CEP85L: variants seen among roughly 807,000 people sequenced by gnomAD.
The protein encoded by CEP85L is centrosomal protein 85L.
CEP85L carries 60 observed loss-of-function variants against 100.3 expected under a neutral mutation model. That is an observed-to-expected ratio of 0.60 (90% CI 0.49 to 0.74). The LOEUF (loss-of-function observed/expected upper bound fraction) is 0.74. CEP85L is among the 30% of genes least tolerant of loss of function. The probability of loss-of-function intolerance (pLI) is 0.00; values close to 1 mark genes in which losing one functional copy is unlikely to be tolerated. For synonymous variants in CEP85L, 319 were observed against 322.7 expected, an observed-to-expected ratio of 0.99 and a Z score of 0.12; for missense variants, 973 against 936.2, an observed-to-expected ratio of 1.04 and a Z score of -0.51.
chr6:118,514,734 G>A (rs534043808), intron 4 of CEP85L, among the ~76,000 whole-genome samples: 1 of 151,558 alleles, frequency 6.6e-6, no homozygotes, highest in African/African-American at 2.4e-5. Flanking sequence ...AAAGTAAAAA[G>A]AGGAAAACCT....
intron 5 of CEP85L, among the ~76,000 whole-genome samples, chr6:118,503,203 C>A (rs1775417656): frequency 6.6e-6 from 1 of 151,948 alleles, no homozygotes; most frequent in African/African-American, 2.4e-5. Context: ...TATAAGCAAT[C>A]AAAAAATAAG....
intron 1 of CEP85L, among the ~76,000 whole-genome samples, chr6:118,642,164 C>T (rs1384806837): frequency 2.6e-5 from 4 of 152,030 alleles, no homozygotes. Context: ...ATATTGCATA[C>T]ATAAAATAGG....
chr6:118,512,571 G>T (rs1469773215), intron 4 of CEP85L, among the ~76,000 whole-genome samples: 1 of 152,136 alleles, frequency 6.6e-6, no homozygotes, highest in Admixed American at 6.6e-5. Context: ...CATCTAGTGA[G>T]CAGAAGCCAG....
chr6:118,709,532 C>CATGTGTGTGTGTGTGT (rs6149776), intron 1 of CEP85L, among the ~76,000 whole-genome samples: 5 of 87,158 alleles, frequency 5.7e-5, no homozygotes, highest in Admixed American at 1.4e-4. Flanking sequence ...CAACAATTGG[C>CATGTGTGTGTGTGTGT]GTGTGTGTGT....
intron 10 of CEP85L, among the ~76,000 whole-genome samples, chr6:118,474,297 C>G (rs1042844330): frequency 5.9e-5 from 9 of 152,218 alleles, no homozygotes; most frequent in African/African-American, 2.2e-4. Flanking sequence ...AACTCCATCT[C>G]TGACTTCTCA....
intron 2 of CEP85L, among the ~76,000 whole-genome samples, chr6:118,575,087 G>A (rs1051439474): frequency 3.3e-5 from 5 of 152,046 alleles, no homozygotes; most frequent in Admixed American, 2.0e-4. Flanking sequence ...TAGAGAAAGG[G>A]TGCAAGAAAT....
rs34964907 is a variant in CEP85L, at chr6:118,689,916, C to CT, written c.-28+20119dup. On this transcript the variant is annotated intron_variant, in intron 1 of 13. Coordinates refer to the CEP85L transcript ENST00000368488. ...AGTTTTACATGCTAATCCCTGCCTG[C>CT]TTTTTTTTTTTTTTTTTAATAGGGC... Among the ~76,000 whole-genome samples, 629 of 136,188 alleles carry CT rather than the reference C, an allele frequency of 4.6e-3. 3 individuals are homozygous for CT. The highest frequency in any genetic ancestry group is 0.012 in the African/African-American group (459 of 37,254). The allele number at this position is 136,188 out of a possible 152,430, so 89.3% of individuals were successfully genotyped here. A position where few individuals can be genotyped will look rare whatever the true frequency, so the allele number is the denominator to read the frequency against.
At chr6:118,673,012 G>C (rs1438925930) in intron 1 of CEP85L, among the ~76,000 whole-genome samples, 2 of 152,076 alleles carry the variant, frequency 1.3e-5, no homozygotes, top group African/African-American at 2.4e-5. Context: ...AAAGATGAGG[G>C]AGGCAATGTG....
chr6:118,569,940 G>A (rs1779786544), intron 2 of CEP85L, among the ~76,000 whole-genome samples: 2 of 152,222 alleles, frequency 1.3e-5, no homozygotes, highest in South Asian at 4.2e-4. Flanking sequence ...AACTATTAAA[G>A]GCTGCAAATA....
At chr6:118,499,086 T>C (rs1775108651) in intron 5 of CEP85L, among the ~76,000 whole-genome samples, 1 of 152,084 alleles carries the variant, frequency 6.6e-6, no homozygotes, top group African/African-American at 2.4e-5. Flanking sequence ...CTATCAAAAT[T>C]TGTGGTATCC....
At chr6:118,514,623 A>T (rs9489425) in intron 4 of CEP85L, among the ~76,000 whole-genome samples, 107,412 of 151,596 alleles carry the variant, frequency 0.71, 38,786 homozygotes, top group African/African-American at 0.75. Flanking sequence ...ATACTCCCAA[A>T]CAAAAGGCAG....
chr6:118,631,674 A>T (rs1774162439), intron 2 of CEP85L, among the ~76,000 whole-genome samples: 1 of 152,254 alleles, frequency 6.6e-6, no homozygotes, highest in Non-Finnish European at 1.5e-5. Context: ...ACATGTAACA[A>T]CTGGATGAAA....
At chr6:118,709,021 C>T (rs915993479) in intron 1 of CEP85L, among the ~76,000 whole-genome samples, 14 of 151,962 alleles carry the variant, frequency 9.2e-5, no homozygotes, top group South Asian at 2.1e-4. Context: ...CATTAGAAAC[C>T]GGTAATATAG....
intron 2 of CEP85L, among the ~76,000 whole-genome samples, chr6:118,592,421 T>C (rs1781244406): frequency 1.3e-5 from 2 of 151,680 alleles, no homozygotes; most frequent in South Asian, 2.1e-4. Context: ...AAATAAGTTA[T>C]ATATAATGTG....
Position 118,470,655 on chromosome 6 carries a change from TA to T in CEP85L, c.1915-12del, listed in dbSNP as rs766436923. On this transcript the variant is annotated splice_polypyrimidine_tract_variant and intron_variant, in intron 10 of 12. Transcript: ENST00000368491. ...CTTTCCTTGCATAGACTAGAATTTT[TA>T]AAAAAATTGGAAAGCAAAACAGGTT... 3 of 1,535,186 alleles carry T rather than the reference TA, an allele frequency of 2.0e-6. No homozygotes were observed. The highest frequency in any genetic ancestry group is 1.8e-6 in the Non-Finnish European group (2 of 1,131,198).
At chr6:118,504,535 C>T (rs1775521112) in intron 5 of CEP85L, among the ~76,000 whole-genome samples, 1 of 152,192 alleles carries the variant, frequency 6.6e-6, no homozygotes, top group Non-Finnish European at 1.5e-5. Flanking sequence ...CATTCCTTAT[C>T]TCATACCTTC....
chr6:118,706,063 G>T (rs1485812931), intron 1 of CEP85L, among the ~76,000 whole-genome samples: 1 of 152,178 alleles, frequency 6.6e-6, no homozygotes. Context: ...GTCTATGTAG[G>T]TGTGTGTCCC....
chr6:118,467,588 G>C (rs1487304985), intron 12 of CEP85L, among the ~76,000 whole-genome samples: 1 of 152,142 alleles, frequency 6.6e-6, no homozygotes. Context: ...AGTATTGGGA[G>C]GTGGGCGTGG....
intron 1 of CEP85L, among the ~76,000 whole-genome samples, chr6:118,636,594 G>C (rs577503369): frequency 2.8e-5 from 4 of 143,714 alleles, no homozygotes; most frequent in African/African-American, 1.2e-4. Flanking sequence ...CAGATTGGTC[G>C]ACTGGATAAG....
Sources: allele counts gnomAD v4.1 joint callset (sites outside exome capture counted in the v4.1 genomes callset), GRCh38; gene constraint gnomAD v4.1.1; transcripts MANE v1.5; gene names NCBI Gene and HGNC (gene_info 2026-07-23, HGNC 2026-07-21).